CNTN6: variants seen among roughly 807,000 people sequenced by gnomAD.
CNTN6 encodes the protein contactin 6, also known as contactin-6.
CNTN6 carries 137 observed loss-of-function variants against 122.8 expected under a neutral mutation model. The ratio of observed to expected loss-of-function variants is 1.12; its 90% CI spans 0.97 to 1.29. The LOEUF is 1.29. CNTN6 is among the 50% of genes most tolerant of loss of function. The pLI, the probability that CNTN6 is intolerant of heterozygous loss-of-function variation, is 0.00. For synonymous variants in CNTN6, 570 were observed against 426.0 expected (o/e 1.34, Z -4.16); for missense variants, 1,634 against 1,223.4 (o/e 1.34, Z -5.01).
At chr3:1,178,398 CTAT>C (rs1354371380) in intron 2 of CNTN6, among the ~76,000 whole-genome samples, 50 of 152,248 alleles carry the variant, frequency 3.3e-4, no homozygotes, top group Middle Eastern at 3.4e-3. Context: ...ATCACTGCTA[CTAT>C]GTTTTCCATT....
At chr3:1,384,925 C>G (rs942068566) in intron 19 of CNTN6, among the ~76,000 whole-genome samples, 1 of 151,278 alleles carries the variant, frequency 6.6e-6, no homozygotes, top group African/African-American at 2.4e-5. Context: ...TATCTGAACC[C>G]TAGTTACTTC....
At chr3:1,103,118 TAAAAA>T (rs761299356) in intron 1 of CNTN6, among the ~76,000 whole-genome samples, 1 of 147,932 alleles carries the variant, frequency 6.8e-6, no homozygotes, top group African/African-American at 2.5e-5. Flanking sequence ...AAAATAAAAA[TAAAAA>T]AAAAAGAAAG....
At chr3:1,386,573 G>C (rs988295353) in intron 20 of CNTN6, among the ~76,000 whole-genome samples, 2 of 152,072 alleles carry the variant, frequency 1.3e-5, no homozygotes, top group African/African-American at 2.4e-5. Flanking sequence ...AATTGGGAAA[G>C]GTCTGATCAT....
intron 11 of CNTN6, among the ~76,000 whole-genome samples, chr3:1,330,789 T>A (rs1453753694): frequency 1.3e-5 from 2 of 151,816 alleles, no homozygotes; most frequent in African/African-American, 2.4e-5. Flanking sequence ...AACTAAAGTG[T>A]GTTAAAAAAT....
At chr3:1,399,973 T>A (rs1053859115) in intron 20 of CNTN6, among the ~76,000 whole-genome samples, 3 of 152,084 alleles carry the variant, frequency 2.0e-5, no homozygotes, top group African/African-American at 7.2e-5. Context: ...TGAACAATAG[T>A]GATATCCCAG....
rs540022696 is a variant in CNTN6, at chr3:1,314,441, G to T, written c.762-7209G>T. ...CAGTCTTTAGTTAAAAACTTAGTAT[G>T]GCTTGGATTTAAGCTGTAGATAATG... On this transcript the variant is annotated intron_variant, in intron 7 of 22. Transcript: ENST00000446702. Among the ~76,000 whole-genome samples, 5 of 152,130 alleles carry T rather than the reference G, an allele frequency of 3.3e-5. No individual in the cohort carries two copies. In the South Asian group the frequency reaches 1.0e-3, roughly 32 times the overall value.
chr3:1,128,701 C>T (rs1436658187), intron 1 of CNTN6, among the ~76,000 whole-genome samples: 1 of 151,906 alleles, frequency 6.6e-6, no homozygotes, highest in Non-Finnish European at 1.5e-5. Flanking sequence ...CTTTTGAGTG[C>T]CAACATCCTC....
chr3:1,170,975 A>G (rs1025220416), intron 2 of CNTN6, among the ~76,000 whole-genome samples: 2 of 152,218 alleles, frequency 1.3e-5, no homozygotes, highest in African/African-American at 4.8e-5. Flanking sequence ...AAAGTGCTCG[A>G]TAAACAGTAA....
chr3:1,245,245 C>CATATAT lies in CNTN6; in HGVS notation c.358+17258_358+17263dup, dbSNP rs1553639059. On this transcript the variant is annotated intron_variant, in intron 4 of 22. Transcript: ENST00000446702. ...ATATATATATATATATACACACACA[C>CATATAT]ATATATATATAACATATATATATAT... 1.4e-4 allele frequency among the ~76,000 whole-genome samples: 2 copies of CATATAT among 14,130 alleles called. 1 individual carries two copies. Among genetic ancestry groups the CATATAT allele is most frequent in the African/African-American group, 5.3e-4 (2 of 3,772 alleles). The allele number at this position is 14,130 out of a possible 152,430, so 9.3% of individuals were successfully genotyped here.
chr3:1,347,837 G>T (rs763918002), intron 11 of CNTN6, among the ~76,000 whole-genome samples: 1 of 152,014 alleles, frequency 6.6e-6, no homozygotes. Context: ...ATGAATTCAC[G>T]GAAGGGTTTT....
At chr3:1,110,595 G>C (rs1280827510) in intron 1 of CNTN6, among the ~76,000 whole-genome samples, 1 of 152,074 alleles carries the variant, frequency 6.6e-6, no homozygotes, top group Non-Finnish European at 1.5e-5. Context: ...GAAGGAAGGT[G>C]ATGTATGTTG....
At chr3:1,341,112 G>C (rs1034126217) in intron 11 of CNTN6, among the ~76,000 whole-genome samples, 1 of 151,892 alleles carries the variant, frequency 6.6e-6, no homozygotes, top group Non-Finnish European at 1.5e-5. Context: ...TCTCCATTCT[G>C]TTCTGCATAA....
intron 4 of CNTN6, among the ~76,000 whole-genome samples, chr3:1,246,266 C>A (rs1185478870): frequency 6.6e-6 from 1 of 151,994 alleles, no homozygotes; most frequent in Non-Finnish European, 1.5e-5. Context: ...ATTATTATTG[C>A]TTTTTAATTT....
At chr3:1,351,806 A>G (rs980946971) in intron 11 of CNTN6, among the ~76,000 whole-genome samples, 1 of 151,868 alleles carries the variant, frequency 6.6e-6, no homozygotes, top group African/African-American at 2.4e-5. Context: ...CCATGGAACC[A>G]TATAGATAGT....
intron 2 of CNTN6, among the ~76,000 whole-genome samples, chr3:1,152,974 G>C (rs2092881143): frequency 6.6e-6 from 1 of 152,158 alleles, no homozygotes; most frequent in Admixed American, 6.5e-5. Context: ...ATCATCTTAA[G>C]AATTTCTGCC....
At chr3:1,107,382 T>C (rs1439950654) in intron 1 of CNTN6, among the ~76,000 whole-genome samples, 4 of 152,146 alleles carry the variant, frequency 2.6e-5, no homozygotes, top group African/African-American at 7.2e-5. Flanking sequence ...CTATAGATAA[T>C]TATGACATGA....
At chr3:1,287,231 C>T (rs960331250) in intron 5 of CNTN6, among the ~76,000 whole-genome samples, 7 of 152,124 alleles carry the variant, frequency 4.6e-5, no homozygotes, top group African/African-American at 9.7e-5. Context: ...TAGACATCTA[C>T]GGGAGTAATT....
intron 2 of CNTN6, among the ~76,000 whole-genome samples, chr3:1,150,828 C>G (rs868735275): frequency 2.0e-5 from 3 of 152,066 alleles, no homozygotes; most frequent in Non-Finnish European, 2.9e-5. Context: ...ATTAAAATAG[C>G]CCTGGACTAT....
chr3:1,110,346 A>G (rs2091423205), intron 1 of CNTN6, among the ~76,000 whole-genome samples: 1 of 152,114 alleles, frequency 6.6e-6, no homozygotes, highest in Non-Finnish European at 1.5e-5. Flanking sequence ...TAAAACAGGT[A>G]TACCATCATG....
Sources: gnomAD v4.1 joint callset for allele counts (sites outside exome capture counted in the v4.1 genomes callset) on GRCh38, gnomAD v4.1.1 for gene constraint, MANE v1.5 for transcripts, NCBI Gene and HGNC (gene_info 2026-07-23, HGNC 2026-07-21) for gene names.